BEST1: variants seen among roughly 807,000 people sequenced by gnomAD.
BEST1 encodes the protein bestrophin-1.
Under a neutral mutation model 63.3 loss-of-function variants are expected in BEST1, and 58 were observed. The observed-to-expected ratio is 0.92, with a 90% confidence interval of 0.74 to 1.14. BEST1 has a LOEUF of 1.14. Ranked by LOEUF, BEST1 falls within the 50% of genes most tolerant of loss-of-function variation. The pLI is 0.00. For synonymous variants in BEST1, 283 were observed against 291.6 expected, an observed-to-expected ratio of 0.97 and a Z score of 0.30; for missense variants, 671 against 740.1, an observed-to-expected ratio of 0.91 and a Z score of 1.08.
Position 61,955,717 on chromosome 11 carries a change from GGCTTCTACGT to G in BEST1, c.249_258del (p.Phe84ArgfsTer4). 6.9e-7 allele frequency: 1 copy of G among 1,445,658 alleles called. No homozygotes were observed. The highest frequency in any genetic ancestry group is 1.2e-5 in the South Asian group (1 of 81,996). 89.6% of individuals were successfully genotyped at this position (1,445,658 alleles called of 1,614,324 possible). A position where few individuals can be genotyped will look rare whatever the true frequency, so the allele number is the denominator to read the frequency against. On this transcript the variant is annotated frameshift_variant and splice_region_variant, in exon 4 of 11. Coordinates refer to ENST00000378043, the MANE Select transcript of BEST1 (RefSeq NM_004183.4). LOFTEE classifies it high-confidence loss of function. Reference sequence around the variant, plus strand: ...CCTCGCCCCCCGCCCCTCCTGCCCAGGCTTCTACGTGACGCTGGTCGTGACCCGCTGGTGG... The same window carrying G: ...CCTCGCCCCCCGCCCCTCCTGCCCAGGACGCTGGTCGTGACCCGCTGGTGG...
rs906887819 is a variant in BEST1 at position 61,958,556 on chromosome 11, T to A, written c.867+258T>A. 1.0e-5 allele frequency: 9 copies of A among 878,042 alleles called. No homozygotes were observed. The African/African-American group carries it at 1.5e-4, about 15-fold the overall frequency. 54.4% of individuals were successfully genotyped at this position (878,042 alleles called of 1,614,324 possible). A position where few individuals can be genotyped will look rare whatever the true frequency, so the allele number is the denominator to read the frequency against. On this transcript the variant is annotated intron_variant, in intron 7 of 10. Coordinates refer to ENST00000378043, the MANE Select transcript of BEST1 (RefSeq NM_004183.4). ...GCCTGGGCAAAAGAATGAAACTCTATCTCAAAAACAACAACAACAACAAAA... is the reference window on the plus strand; with the variant it reads ...GCCTGGGCAAAAGAATGAAACTCTAACTCAAAAACAACAACAACAACAAAA...
In BEST1 at chr11:61,956,908, G is replaced by T; in HGVS notation, c.546G>T (p.Trp182Cys). Residue 182 changes from tryptophan (W) to cysteine (C), a missense_variant, in exon 5 of 11, where the codon TGG (tryptophan) becomes TGT (cysteine). Coordinates refer to ENST00000378043, the MANE Select transcript of BEST1 (RefSeq NM_004183.4). The part of the protein sequence containing the change: ...EKLSLPHNMF[W>C]VPWVWFANLS... ...TGAGCCTACCACACAACATGTTCTGGGTGCCCTGGGTGTGGTTTGCCAACC... is the reference window on the plus strand; with the variant it reads ...TGAGCCTACCACACAACATGTTCTGTGTGCCCTGGGTGTGGTTTGCCAACC... 6.2e-7 allele frequency: 1 copy of T among 1,614,134 alleles called. No individual in the cohort carries two copies. The highest frequency in any genetic ancestry group is 8.5e-7 in the Non-Finnish European group (1 of 1,180,028).
chr11:61,955,320 G>C, intron 3 of BEST1, 119 bp downstream of exon 3: 1 of 1,556,656 alleles, frequency 6.4e-7, no homozygotes. Context: ...GAACGCCAGC[G>C]GCAGGTCGGC....
intron 10 of BEST1, 97 bp from the exon 11 acceptor site, chr11:61,964,005 AAG>A: frequency 1.9e-6 from 3 of 1,543,932 alleles, no homozygotes; most frequent in Non-Finnish European, 2.6e-6. Flanking sequence ...AAAAAAAAAA[AAG>A]GATCGTCTCA....
At chr11:61,950,886 A>T (rs1354251767) in intron 1 of BEST1, among the ~76,000 whole-genome samples, 1 of 152,166 alleles carries the variant, frequency 6.6e-6, no homozygotes, top group Non-Finnish European at 1.5e-5. Flanking sequence ...TTCTAAAGGG[A>T]ACCTGGAGTG....
At chr11:61,952,303 A>AAGAGAGAG (rs35510371) in intron 2 of BEST1, among the ~76,000 whole-genome samples, 2 of 147,106 alleles carry the variant, frequency 1.4e-5, no homozygotes, top group African/African-American at 5.0e-5. Context: ...TACATTAAAA[A>AAGAGAGAG]AGAGAGAGAG....
intron 10 of BEST1, 36 bp downstream of exon 10, chr11:61,962,929 C>A (rs771523918): frequency 6.2e-7 from 1 of 1,614,076 alleles, no homozygotes; most frequent in African/African-American, 1.3e-5. Flanking sequence ...CACTGCATTG[C>A]CCTGTGCCCC....
rs547287155 is a variant in BEST1 at position 61,962,298 on chromosome 11, G to A, written c.1144G>A (p.Glu382Lys). 19 of 1,614,046 alleles carry A rather than the reference G, an allele frequency of 1.2e-5. No homozygotes were observed. The highest frequency in any genetic ancestry group is 6.7e-5 in the East Asian group (3 of 44,890). Residue 382 changes from glutamate to lysine, a missense_variant, in exon 10 of 11, where the codon GAG becomes AAG. Glu to Lys is a moderately conservative substitution (Grantham distance 56, BLOSUM62 1). Coordinates refer to ENST00000378043, the MANE Select transcript of BEST1 (RefSeq NM_004183.4). ...EMEFQPNQED[E>K]EDAHAGIIGR... ...GGAGTTCCAGCCCAATCAGGAGGAC[G>A]AGGAGGATGCTCACGCTGGCATCAT...
intron 1 of BEST1, among the ~76,000 whole-genome samples, chr11:61,950,947 T>A (rs958951006): frequency 2.4e-4 from 37 of 152,068 alleles, no homozygotes; most frequent in African/African-American, 8.7e-4. Context: ...GGCAGGAAGA[T>A]CAGCAGGTGG....
At position 61,955,701 on chromosome 11, in the gene BEST1, C is replaced by T. The variant is rs774456381; in HGVS notation, c.248-17C>T. The T allele has an allele frequency of 6.4e-5, 99 of 1,543,788 alleles. No homozygotes were observed. The South Asian group carries it at 1.1e-3, about 17-fold the overall frequency. ...AGCCTGGCCCCTCGCCCCTCGCCCCCCGCCCCTCCTGCCCAGGCTTCTACG... is the reference window on the plus strand; with the variant it reads ...AGCCTGGCCCCTCGCCCCTCGCCCCTCGCCCCTCCTGCCCAGGCTTCTACG... On this transcript the variant is annotated splice_polypyrimidine_tract_variant and intron_variant, in intron 3 of 10. Transcript: ENST00000378043.
At chr11:61,958,807 TC>T (rs1207810743) in intron 7 of BEST1, 2 of 321,726 alleles carry the variant, frequency 6.2e-6, no homozygotes, top group Admixed American at 9.1e-5. Flanking sequence ...CTCTCTCCCT[TC>T]CTACCTTCCT....
rs1565392440 is a variant in BEST1 at position 61,957,470 on chromosome 11, G to C, written c.714+6G>C. The C allele has an allele frequency of 6.2e-7, 1 of 1,613,864 alleles. No homozygotes were observed. Among genetic ancestry groups the C allele is most frequent in the East Asian group, 2.2e-5 (1 of 44,876 alleles). ...TCCCACTGGTGTATACACAGGTGAGGACTAGGCTGGTGAGGCTGCCCTTTT... is the reference window on the plus strand; with the variant it reads ...TCCCACTGGTGTATACACAGGTGAGCACTAGGCTGGTGAGGCTGCCCTTTT... On this transcript the variant is annotated splice_donor_region_variant and intron_variant, in intron 6 of 10. Coordinates refer to ENST00000378043, the MANE Select transcript of BEST1 (RefSeq NM_004183.4).
intron 10 of BEST1, chr11:61,963,523 G>A: frequency 4.8e-6 from 5 of 1,036,790 alleles, no homozygotes; most frequent in Non-Finnish European, 2.3e-6. Context: ...CAGATTTCCT[G>A]GACACTTTCA....
chr11:61,960,010 G>T lies in BEST1; in HGVS notation c.1067G>T (p.Arg356Leu), dbSNP rs751707411. ...PYTAASAQFR[R>L]ASFMGSTFNI... ...ACAGCTGCTTCCGCCCAGTTCCGTC[G>T]AGCCTCCTTTATGGGCTCCACCTTC... Residue 356 changes from arginine to leucine, a missense_variant, in exon 9 of 11, where the codon CGA (arginine) becomes CTA (leucine). Physicochemically the swap from Arg to Leu is moderately radical, Grantham distance 102. Coordinates refer to ENST00000378043, the MANE Select transcript of BEST1 (RefSeq NM_004183.4). 8.6e-5 allele frequency: 139 copies of T among 1,610,576 alleles called. No homozygotes were observed. The highest frequency in any genetic ancestry group is 1.1e-4 in the Non-Finnish European group (134 of 1,178,754).
rs62637337 is a variant in BEST1 at position 61,956,999 on chromosome 11, G to T, written c.636+1G>T. Reference sequence around the variant, plus strand: ...TATCCTGCTCCAGAGCCTGCTGAACGTGAGCCCACTGTACAGACAGGGCTG... The same window carrying T: ...TATCCTGCTCCAGAGCCTGCTGAACTTGAGCCCACTGTACAGACAGGGCTG... On this transcript the variant is annotated splice_donor_variant, in intron 5 of 10. Transcript: ENST00000378043. LOFTEE classifies it high-confidence loss of function. The T allele has an allele frequency of 1.2e-6, 2 of 1,614,142 alleles. No individual in the cohort carries two copies. Among genetic ancestry groups the T allele is most frequent in the Admixed American group, 1.7e-5 (1 of 60,030 alleles).
intron 7 of BEST1, 35 bp downstream of exon 7, chr11:61,958,333 A>G: frequency 1.2e-6 from 2 of 1,614,082 alleles, no homozygotes; most frequent in Non-Finnish European, 1.7e-6. Context: ...GGCTGGAGGC[A>G]TGGCCAGAGG....
chr11:61,957,503 T>C (rs1291636688), intron 6 of BEST1, 39 bp downstream of exon 6: 5 of 1,595,990 alleles, frequency 3.1e-6, no homozygotes, highest in Non-Finnish European at 4.3e-6. Flanking sequence ...TTTGGGAAAC[T>C]GAGGCTAGAA....
intron 2 of BEST1, 171 bp from the exon 3 acceptor site, chr11:61,954,936 C>T (rs1941111835): frequency 1.0e-6 from 1 of 985,398 alleles, no homozygotes; most frequent in Non-Finnish European, 1.2e-6. Flanking sequence ...TGGGGCTGTA[C>T]AAGGAGCATC....
Position 61,960,009 on chromosome 11 carries a change from C to G in BEST1, c.1066C>G (p.Arg356Gly). 1.2e-6 allele frequency: 2 copies of G among 1,610,838 alleles called. No homozygotes were observed. Among genetic ancestry groups the G allele is most frequent in the South Asian group, 1.1e-5 (1 of 90,306 alleles). The change falls in exon 9 of 11, where the codon CGA becomes GGA. Residue 356 changes from arginine to glycine, a missense_variant. Physicochemically the swap from Arg to Gly is moderately radical, Grantham distance 125. Transcript: ENST00000378043. ...CACAGCTGCTTCCGCCCAGTTCCGTCGAGCCTCCTTTATGGGCTCCACCTT... is the reference window on the plus strand; with the variant it reads ...CACAGCTGCTTCCGCCCAGTTCCGTGGAGCCTCCTTTATGGGCTCCACCTT... ...PYTAASAQFR[R>G]ASFMGSTFNI...
Sources: allele counts gnomAD v4.1 joint callset (sites outside exome capture counted in the v4.1 genomes callset), GRCh38; gene constraint gnomAD v4.1.1; transcripts MANE v1.5; gene names NCBI Gene and HGNC (gene_info 2026-07-23, HGNC 2026-07-21).